The following PRKG1 variants were observed in gnomAD, a reference collection of about 807,000 sequenced individuals.
PRKG1 encodes cGMP-dependent protein kinase 1.
Under a neutral mutation model 88.1 loss-of-function variants are expected in PRKG1, and 35 were observed. That is an observed-to-expected ratio of 0.40 (90% CI 0.30 to 0.53). PRKG1 has a LOEUF of 0.53. Among genes scored for constraint, PRKG1 ranks in the 20% least tolerant of loss-of-function variants. PRKG1 has a pLI of 0.59. For synonymous variants in PRKG1, 303 were observed against 292.5 expected, an observed-to-expected ratio of 1.04 and a Z score of -0.37; for missense variants, 540 against 839.8, an observed-to-expected ratio of 0.64 and a Z score of 4.41.
chr10:52,154,024 C>T (rs377489691), intron 8 of PRKG1, among the ~76,000 whole-genome samples: 5 of 152,042 alleles, frequency 3.3e-5, no homozygotes, highest in East Asian at 3.9e-4. Context: ...GGATTGCAGG[C>T]GTGAGCCACT....
intron 5 of PRKG1, among the ~76,000 whole-genome samples, chr10:52,012,579 G>T (rs1237726315): frequency 6.6e-6 from 1 of 151,902 alleles, no homozygotes; most frequent in Admixed American, 6.6e-5. Context: ...TAAATACAGG[G>T]TTTCACCATG....
At chr10:51,374,093 A>AAAAAATATAT in intron 2 of PRKG1, among the ~76,000 whole-genome samples, 4 of 100,138 alleles carry the variant, frequency 4.0e-5, no homozygotes, top group African/African-American at 1.0e-4. Flanking sequence ...AAAAAAAAAA[A>AAAAAATATAT]ATATATATAT....
At chr10:51,410,035 C>A (rs943072007) in intron 2 of PRKG1, among the ~76,000 whole-genome samples, 7 of 151,786 alleles carry the variant, frequency 4.6e-5, no homozygotes, top group Non-Finnish European at 8.8e-5. Context: ...GCCCAAGTGG[C>A]AGAGCAGCTT....
At chr10:52,271,300 C>T (rs2132432549) in intron 10 of PRKG1, 50 bp from the exon 11 acceptor site, 2 of 1,580,628 alleles carry the variant, frequency 1.3e-6, no homozygotes, top group South Asian at 2.2e-5. Flanking sequence ...TAATAATGCA[C>T]TCTTACAAGT....
rs776705494 is a variant in PRKG1 at position 51,817,424 on chromosome 10, C to T, written c.698+12734C>T. On this transcript the variant is annotated intron_variant, in intron 4 of 17. Coordinates refer to ENST00000373980, the MANE Select transcript of PRKG1 (RefSeq NM_006258.4). ...CCATGTGTTCTCATTGTTCAACTCC[C>T]GCTTATGAGTGAGAATATGCAGCGT... 4.6e-5 allele frequency among the ~76,000 whole-genome samples: 7 copies of T among 150,588 alleles called. No homozygotes were observed. The East Asian group carries it at 9.9e-4, about 21-fold the overall frequency.
At chr10:51,587,606 G>A (rs1176514997) in intron 3 of PRKG1, among the ~76,000 whole-genome samples, 2 of 152,124 alleles carry the variant, frequency 1.3e-5, no homozygotes, top group Non-Finnish European at 2.9e-5. Context: ...ATTAAATATT[G>A]TATAGCTTCA....
intron 2 of PRKG1, among the ~76,000 whole-genome samples, chr10:51,357,144 G>C (rs1404913765): frequency 6.6e-6 from 1 of 151,930 alleles, no homozygotes; most frequent in African/African-American, 2.4e-5. Flanking sequence ...AAGTGTAATG[G>C]GTATAGACAT....
intron 4 of PRKG1, among the ~76,000 whole-genome samples, chr10:51,854,287 A>G (rs955209908): frequency 4.9e-4 from 74 of 152,240 alleles, no homozygotes; most frequent in African/African-American, 1.7e-3. Context: ...AGACAAAAAA[A>G]TAGCTTTGAT....
rs150592385 is a variant in PRKG1 at position 51,688,972 on chromosome 10, T to C, written c.593-115613T>C. The stretch of plus-strand genomic sequence containing the variant: ...GGTCTTTCCCATGCTGTTTTCATGA[T>C]AGTGAGTGGGTTTCATGAGATCTGA... On this transcript the variant is annotated intron_variant, in intron 3 of 17. Coordinates refer to ENST00000373980, the MANE Select transcript of PRKG1 (RefSeq NM_006258.4). Among the ~76,000 whole-genome samples, 126 of 152,228 alleles carry C rather than the reference T, an allele frequency of 8.3e-4. 1 individual carries two copies. In the South Asian group the frequency reaches 8.9e-3, roughly 11 times the overall value.
chr10:51,028,712 A>G (rs1237226888), intron 1 of PRKG1, among the ~76,000 whole-genome samples: 1 of 152,152 alleles, frequency 6.6e-6, no homozygotes, highest in Non-Finnish European at 1.5e-5. Flanking sequence ...TCAAATAAGT[A>G]AGAAGCTCAT....
At chr10:51,150,476 G>A (rs1846042731) in intron 1 of PRKG1, among the ~76,000 whole-genome samples, 1 of 152,138 alleles carries the variant, frequency 6.6e-6, no homozygotes, top group African/African-American at 2.4e-5. Flanking sequence ...AGGGCTTTGA[G>A]TATTATTCTC....
intron 4 of PRKG1, among the ~76,000 whole-genome samples, chr10:51,882,925 T>C (rs1408395819): frequency 6.6e-6 from 1 of 152,328 alleles, no homozygotes; most frequent in East Asian, 1.9e-4. Flanking sequence ...ATGTGTCAAC[T>C]TGATTGGGCT....
chr10:51,639,307 G>T (rs866264534), intron 3 of PRKG1, among the ~76,000 whole-genome samples: 1 of 151,532 alleles, frequency 6.6e-6, no homozygotes, highest in East Asian at 1.9e-4. Context: ...GGTGGCGGGC[G>T]CCTGTAGTCC....
intron 9 of PRKG1, among the ~76,000 whole-genome samples, chr10:52,163,809 G>C (rs1162767294): frequency 6.6e-6 from 1 of 152,096 alleles, no homozygotes. Context: ...ATGAAATTCA[G>C]ATATTCAGAC....
intron 2 of PRKG1, among the ~76,000 whole-genome samples, chr10:51,260,134 G>A (rs1839666321): frequency 6.6e-6 from 1 of 152,042 alleles, no homozygotes; most frequent in Non-Finnish European, 1.5e-5. Context: ...GTGAACTGCT[G>A]CCTGCCAATT....
At chr10:51,215,807 T>C (rs1212300438) in intron 2 of PRKG1, among the ~76,000 whole-genome samples, 1 of 152,198 alleles carries the variant, frequency 6.6e-6, no homozygotes, top group Non-Finnish European at 1.5e-5. Context: ...TTCCTCTATA[T>C]ACAGAACTTA....
At chr10:52,034,094 G>A (rs938956978) in intron 5 of PRKG1, among the ~76,000 whole-genome samples, 6 of 151,864 alleles carry the variant, frequency 4.0e-5, no homozygotes, top group African/African-American at 1.2e-4. Flanking sequence ...CAGTTAAGGT[G>A]GGGCAGGGCA....
intron 5 of PRKG1, among the ~76,000 whole-genome samples, chr10:51,922,640 G>T (rs1168931383): frequency 2.0e-5 from 3 of 151,612 alleles, no homozygotes. Context: ...TTTTCTTGAG[G>T]TTCTTCTTTG....
chr10:52,093,636 G>A (rs1411774660), intron 7 of PRKG1, among the ~76,000 whole-genome samples: 1 of 152,162 alleles, frequency 6.6e-6, no homozygotes, highest in African/African-American at 2.4e-5. Context: ...TGCCTGCCTT[G>A]TTCAGATAGC....
Sources: gnomAD v4.1 joint callset for allele counts (sites outside exome capture counted in the v4.1 genomes callset) on GRCh38, gnomAD v4.1.1 for gene constraint, MANE v1.5 for transcripts, NCBI Gene and HGNC (gene_info 2026-07-23, HGNC 2026-07-21) for gene names.